DAPP1: variants seen among roughly 807,000 people sequenced by gnomAD.
The protein encoded by DAPP1 is dual adapter for phosphotyrosine and 3-phosphotyrosine and 3-phosphoinositide.
Under a neutral mutation model 41.5 loss-of-function variants are expected in DAPP1, and 20 were observed. The ratio of observed to expected loss-of-function variants is 0.48; its 90% CI spans 0.34 to 0.70. The LOEUF is 0.70. DAPP1 is among the 30% of genes least tolerant of loss of function. The pLI, the probability that DAPP1 is intolerant of heterozygous loss-of-function variation, is 0.01. For synonymous variants in DAPP1, 113 were observed against 116.2 expected, an observed-to-expected ratio of 0.97 and a Z score of 0.18; for missense variants, 233 against 333.4, an observed-to-expected ratio of 0.70 and a Z score of 2.35.
At chr4:99,843,446 A>T (rs927026237) in intron 3 of DAPP1, among the ~76,000 whole-genome samples, 1 of 152,162 alleles carries the variant, frequency 6.6e-6, no homozygotes, top group Admixed American at 6.5e-5. Flanking sequence ...CTGTTTGCTA[A>T]TCTGAAAAGC....
At chr4:99,849,038 A>G (rs1723766343) in intron 3 of DAPP1, among the ~76,000 whole-genome samples, 1 of 152,172 alleles carries the variant, frequency 6.6e-6, no homozygotes, top group East Asian at 1.9e-4. Flanking sequence ...GTCTTTTAGG[A>G]CACCAGATTT....
At chr4:99,852,485 C>T (rs866749024) in intron 3 of DAPP1, among the ~76,000 whole-genome samples, 12 of 152,294 alleles carry the variant, frequency 7.9e-5, no homozygotes, top group South Asian at 4.1e-4. Context: ...CAAAGTTCCC[C>T]AGCCCCCCAT....
At position 99,866,087 on chromosome 4, in the gene DAPP1, C is replaced by T; in HGVS notation, c.740C>T (p.Ala247Val). Reference protein sequence around the residue: ...FYLCAKTGVEADEWIKILRWK... With the variant: ...FYLCAKTGVEVDEWIKILRWK... ...CTCTGTGCAAAGACCGGAGTAGAAG[C>T]TGATGAGTGGATCAAGATATTACGC... is the stretch of plus-strand genomic sequence containing the variant. Residue 247 changes from alanine to valine, a missense_variant, in exon 8 of 9, where the codon GCT (alanine) becomes GTT (valine). Transcript: ENST00000512369. The T allele has an allele frequency of 6.3e-7, 1 of 1,599,986 alleles. No homozygotes were observed. The highest frequency in any genetic ancestry group is 8.5e-7 in the Non-Finnish European group (1 of 1,171,672).
chr4:99,853,106 GAATACATGAAAA>G lies in DAPP1; in HGVS notation c.359-109_359-98del. ...ATAACTGTTGAGATAATGAGCGAGGGAATACATGAAAAAAACAAAAGACTTTCCAATCCAGCC... is the reference window on the plus strand; with the variant it reads ...ATAACTGTTGAGATAATGAGCGAGGGAAACAAAAGACTTTCCAATCCAGCC... On this transcript the variant is annotated intron_variant, in intron 3 of 8. Transcript: ENST00000512369. The G allele has an allele frequency of 5.0e-6, 6 of 1,210,476 alleles. No homozygotes were observed. The South Asian group carries it at 8.9e-5, about 18-fold the overall frequency. The allele number at this position is 1,210,476 out of a possible 1,614,324, so 75.0% of individuals were successfully genotyped here.
At chr4:99,818,736 C>T (rs145029020) in intron 1 of DAPP1, among the ~76,000 whole-genome samples, 6 of 152,184 alleles carry the variant, frequency 3.9e-5, no homozygotes, top group Middle Eastern at 3.4e-3. Flanking sequence ...TTTCAGAAGG[C>T]GTGAACAATT....
intron 4 of DAPP1, among the ~76,000 whole-genome samples, chr4:99,859,135 C>T (rs887318043): frequency 2.6e-5 from 4 of 151,900 alleles, no homozygotes; most frequent in South Asian, 2.1e-4. Context: ...AGGCTGGTAT[C>T]GAACTCCTGG....
chr4:99,854,644 GTCTC>G (rs1024991424), intron 4 of DAPP1, among the ~76,000 whole-genome samples: 2 of 151,996 alleles, frequency 1.3e-5, no homozygotes, highest in Admixed American at 1.3e-4. Flanking sequence ...TGTGAAACCT[GTCTC>G]TCTCAACATT....
At chr4:99,834,904 C>T (rs1246209326) in intron 1 of DAPP1, among the ~76,000 whole-genome samples, 1 of 152,122 alleles carries the variant, frequency 6.6e-6, no homozygotes, top group Non-Finnish European at 1.5e-5. Flanking sequence ...TTGGAAGTGA[C>T]TGTCATGTTC....
At chr4:99,849,759 T>C (rs1321668017) in intron 3 of DAPP1, among the ~76,000 whole-genome samples, 1 of 152,138 alleles carries the variant, frequency 6.6e-6, no homozygotes, top group East Asian at 1.9e-4. Flanking sequence ...CAAATAACTT[T>C]GGGGTGGGGA....
intron 1 of DAPP1, among the ~76,000 whole-genome samples, chr4:99,828,518 A>G (rs1227799872): frequency 6.6e-6 from 1 of 152,238 alleles, no homozygotes; most frequent in East Asian, 1.9e-4. Context: ...TTAGTAAATT[A>G]AAACAGTAAA....
chr4:99,871,502 A>C (rs1724627269), downstream of DAPP1, among the ~76,000 whole-genome samples: 1 of 152,222 alleles, frequency 6.6e-6, no homozygotes, highest in African/African-American at 2.4e-5. Flanking sequence ...TACAAATATC[A>C]CAATCCCAGT....
intron 3 of DAPP1, among the ~76,000 whole-genome samples, chr4:99,841,815 T>C (rs1457876237): frequency 6.6e-6 from 1 of 152,228 alleles, no homozygotes; most frequent in Non-Finnish European, 1.5e-5. Context: ...AATGAATACA[T>C]GGATAACTAT....
At chr4:99,824,053 C>T (rs1044215658) in intron 1 of DAPP1, among the ~76,000 whole-genome samples, 2 of 152,170 alleles carry the variant, frequency 1.3e-5, no homozygotes, top group Admixed American at 1.3e-4. Flanking sequence ...TTTCATGTTA[C>T]TGCTCCTAGA....
At chr4:99,829,741 T>A (rs79423104) in intron 1 of DAPP1, among the ~76,000 whole-genome samples, 5,033 of 152,180 alleles carry the variant, frequency 0.033, 249 homozygotes, top group East Asian at 0.24. Context: ...GTGTTCTAGA[T>A]GAAAGACTGA....
At chr4:99,832,475 T>A (rs1023794045) in intron 1 of DAPP1, among the ~76,000 whole-genome samples, 1 of 152,214 alleles carries the variant, frequency 6.6e-6, no homozygotes, top group Non-Finnish European at 1.5e-5. Context: ...GGATCCTTAT[T>A]GCACCACTGA....
intron 3 of DAPP1, among the ~76,000 whole-genome samples, chr4:99,849,438 G>A (rs1255371911): frequency 6.6e-6 from 1 of 152,152 alleles, no homozygotes; most frequent in Non-Finnish European, 1.5e-5. Flanking sequence ...TCAAGTGGTA[G>A]GGATACAAAG....
At chr4:99,838,781 A>G (rs1723388629) in intron 2 of DAPP1, among the ~76,000 whole-genome samples, 1 of 152,228 alleles carries the variant, frequency 6.6e-6, no homozygotes, top group Admixed American at 6.5e-5. Flanking sequence ...ATTTTGGGGA[A>G]TTACAGCCTC....
At chr4:99,848,298 G>A (rs2110154025) in intron 3 of DAPP1, among the ~76,000 whole-genome samples, 1 of 151,378 alleles carries the variant, frequency 6.6e-6, no homozygotes, top group South Asian at 2.1e-4. Context: ...CACGATCTCG[G>A]CTCACTGCAA....
chr4:99,856,698 T>C (rs911851112), intron 4 of DAPP1, among the ~76,000 whole-genome samples: 5 of 152,236 alleles, frequency 3.3e-5, no homozygotes, highest in Non-Finnish European at 7.3e-5. Flanking sequence ...GTTAGCCTGC[T>C]GCAGTTTCAT....
Sources: allele counts gnomAD v4.1 joint callset (sites outside exome capture counted in the v4.1 genomes callset), GRCh38; gene constraint gnomAD v4.1.1; transcripts MANE v1.5; gene names NCBI Gene and HGNC (gene_info 2026-07-23, HGNC 2026-07-21).